The following CRHR2 variants were observed in gnomAD, a reference collection of about 807,000 sequenced individuals.
CRHR2 encodes corticotropin-releasing hormone receptor 2.
Under a neutral mutation model 57.9 loss-of-function variants are expected in CRHR2, and 53 were observed. The ratio of observed to expected loss-of-function variants is 0.92; its 90% confidence interval spans 0.73 to 1.15. The LOEUF (loss-of-function observed/expected upper bound fraction) is 1.15, where lower values mean the gene tolerates loss of function less well. Ranked by LOEUF, CRHR2 falls within the 50% of genes most tolerant of loss-of-function variation. The pLI is 0.00. For synonymous variants in CRHR2, 213 were observed against 220.9 expected, an observed-to-expected ratio of 0.96 and a Z score of 0.32; for missense variants, 532 against 542.6, an observed-to-expected ratio of 0.98 and a Z score of 0.19.
intron 2 of CRHR2, among the ~76,000 whole-genome samples, chr7:30,670,144 A>G (rs1489920913): frequency 1.3e-5 from 2 of 151,814 alleles, no homozygotes; most frequent in Non-Finnish European, 2.9e-5. Context: ...CACACACACA[A>G]ACACAGAATC....
chr7:30,653,485 C>T lies in CRHR2; in HGVS notation c.1211G>A (p.Ser404Asn). The change falls in exon 12 of 12, where the codon AGC becomes AAC. Residue 404 changes from serine to asparagine, a missense_variant. By Grantham distance (46) the Ser-to-Asn change is conservative. Transcript: ENST00000471646. The surrounding 1 kb of genome is among the most constrained non-coding windows in gnomAD (Gnocchi z 5.0). ...TCACACAGCGGCCGTCTGCTTGATG[C>T]TGTGGAAGCTGATCCGTGTGGGTGA... ...PTSPTRISFH[S>N]IKQTAAV 1 of 1,613,494 alleles carries T rather than the reference C, an allele frequency of 6.2e-7. No homozygotes were observed. Among genetic ancestry groups the T allele is most frequent in the South Asian group, 1.1e-5 (1 of 91,068 alleles).
exon 1 of CRHR2, chr7:30,700,027 C>T: frequency 1.4e-6 from 2 of 1,414,414 alleles, no homozygotes; most frequent in South Asian, 1.5e-5. Flanking sequence ...CCTGAGGGAC[C>T]CCTCATGCCA....
At chr7:30,693,992 C>G (rs147949427) in intron 1 of CRHR2, among the ~76,000 whole-genome samples, 1 of 152,212 alleles carries the variant, frequency 6.6e-6, no homozygotes, top group Non-Finnish European at 1.5e-5. Context: ...CTCCACCATG[C>G]ACACCCCAGC....
intron 2 of CRHR2, among the ~76,000 whole-genome samples, chr7:30,681,538 T>C (rs780090921): frequency 2.2e-4 from 34 of 151,926 alleles, no homozygotes; most frequent in Non-Finnish European, 4.1e-4. Flanking sequence ...CTGGGATAGG[T>C]CCCCCTCCTG....
intron 2 of CRHR2, among the ~76,000 whole-genome samples, chr7:30,672,648 C>CTT (rs1784400246): frequency 6.6e-6 from 1 of 152,256 alleles, no homozygotes; most frequent in South Asian, 2.1e-4. Context: ...CATGGGTAGG[C>CTT]TGACCCAGCT....
intron 2 of CRHR2, among the ~76,000 whole-genome samples, chr7:30,680,375 G>A (rs1784662036): frequency 2.6e-5 from 4 of 152,212 alleles, no homozygotes; most frequent in African/African-American, 9.6e-5. Context: ...GCTGGTCGGG[G>A]AGAACAAGGC....
chr7:30,699,264 A>G (rs879452186), intron 1 of CRHR2, among the ~76,000 whole-genome samples: 1 of 151,964 alleles, frequency 6.6e-6, no homozygotes, highest in Non-Finnish European at 1.5e-5. Context: ...CCCACCTTCC[A>G]TCGGTGGCCC....
At chr7:30,686,629 T>A, upstream of CRHR2, 1 of 959,198 alleles carries the variant, frequency 1.0e-6, no homozygotes. Context: ...CAAAAAATAA[T>A]AAAAAATAAA....
chr7:30,692,479 C>T (rs541411318), intron 1 of CRHR2, among the ~76,000 whole-genome samples: 9 of 152,238 alleles, frequency 5.9e-5, no homozygotes, highest in African/African-American at 1.9e-4. Flanking sequence ...GGCCGTTCGG[C>T]GAACTGGACA....
At chr7:30,691,688 C>T (rs1468923947) in intron 1 of CRHR2, among the ~76,000 whole-genome samples, 1 of 152,216 alleles carries the variant, frequency 6.6e-6, no homozygotes, top group East Asian at 1.9e-4. Flanking sequence ...GGAGTAATCC[C>T]AGATCCTGGC....
chr7:30,679,090 G>T (rs1199576148), intron 2 of CRHR2, among the ~76,000 whole-genome samples: 1 of 152,136 alleles, frequency 6.6e-6, no homozygotes, highest in Non-Finnish European at 1.5e-5. Flanking sequence ...ACAAAGCCCA[G>T]CCTGTCTCCT....
At chr7:30,683,437 C>T (rs1562808095), upstream of CRHR2, among the ~76,000 whole-genome samples, 1 of 152,172 alleles carries the variant, frequency 6.6e-6, no homozygotes, top group Non-Finnish European at 1.5e-5. Flanking sequence ...CCCACCCTGG[C>T]CCAGAATGCC....
upstream of CRHR2, among the ~76,000 whole-genome samples, chr7:30,684,679 G>A (rs1281098535): frequency 6.6e-6 from 1 of 152,152 alleles, no homozygotes; most frequent in African/African-American, 2.4e-5. Context: ...CCACAGACCC[G>A]AGGTCCCCTG....
At chr7:30,686,445 C>G, upstream of CRHR2, 5 of 1,532,336 alleles carry the variant, frequency 3.3e-6, no homozygotes, top group Non-Finnish European at 4.4e-6. Flanking sequence ...AGGCTCTCTT[C>G]CCATTTGACC....
chr7:30,686,253 C>T (rs1784854210), upstream of CRHR2: 2 of 1,260,914 alleles, frequency 1.6e-6, no homozygotes, highest in African/African-American at 1.5e-5. Context: ...ATCCAGGTTG[C>T]TTTTTATTCA....
chr7:30,685,338 C>T (rs1330077884), upstream of CRHR2, among the ~76,000 whole-genome samples: 1 of 152,216 alleles, frequency 6.6e-6, no homozygotes, highest in Non-Finnish European at 1.5e-5. Context: ...TCTAATTCAT[C>T]CCCTACCACT....
intron 1 of CRHR2, among the ~76,000 whole-genome samples, chr7:30,693,686 G>T (rs540878178): frequency 1.3e-5 from 2 of 152,344 alleles, no homozygotes; most frequent in African/African-American, 2.4e-5. Flanking sequence ...GCCCTGTCTT[G>T]CGACTGGCAT....
intron 2 of CRHR2, among the ~76,000 whole-genome samples, chr7:30,677,497 A>G (rs1054867189): frequency 5.3e-5 from 8 of 152,196 alleles, no homozygotes; most frequent in Admixed American, 5.2e-4. Context: ...TGCCCCAATT[A>G]AATTGTATAT....
In CRHR2 at chr7:30,665,171, G is replaced by A. The variant is rs184589106; in HGVS notation, c.442C>T (p.Arg148Trp). ...ATGAGGTTCCAGTGAATCACATTCC[G>A]CAGACAGCGAATGCTCCTGTGGGAG... ...FLALRSIRCL[R>W]NVIHWNLITT... Residue 148 changes from arginine (R) to tryptophan (W), a missense_variant, in exon 5 of 12, where the codon CGG becomes TGG. Arg to Trp is a moderately radical substitution (Grantham distance 101). Coordinates refer to ENST00000471646, the MANE Select transcript of CRHR2 (RefSeq NM_001883.5). The surrounding 1 kb of genome is among the most constrained non-coding windows in gnomAD (Gnocchi z 4.5). 260 of 1,613,926 alleles carry A rather than the reference G, an allele frequency of 1.6e-4. 1 individual carries two copies. The East Asian group carries it at 2.1e-3, about 13-fold the overall frequency.
Sources: gnomAD v4.1 joint callset for allele counts (sites outside exome capture counted in the v4.1 genomes callset) on GRCh38, gnomAD v4.1.1 for gene constraint, Gnocchi (gnomAD v3.1) non-coding constraint, MANE v1.5 for transcripts, NCBI Gene and HGNC (gene_info 2026-07-23, HGNC 2026-07-21) for gene names.